Variants in ENTPD3 observed in about 807,000 individuals in gnomAD.
ENTPD3 encodes the protein CD39 antigen-like 3.
ENTPD3 carries 60 observed loss-of-function variants against 51.2 expected under a neutral mutation model. That is an observed-to-expected ratio of 1.17 (90% CI 0.95 to 1.45). The LOEUF is 1.45. Ranked by LOEUF, ENTPD3 falls within the 40% of genes most tolerant of loss-of-function variation. The pLI, the probability that ENTPD3 is intolerant of heterozygous loss-of-function variation, is 0.00. For synonymous variants in ENTPD3, 221 were observed against 238.4 expected (o/e 0.93, Z 0.67); for missense variants, 593 against 641.1 (o/e 0.93, Z 0.81).
intron 4 of ENTPD3, among the ~76,000 whole-genome samples, chr3:40,407,693 T>C (rs776475633): frequency 6.6e-6 from 1 of 151,946 alleles, no homozygotes; most frequent in African/African-American, 2.4e-5. Context: ...CCTTACACAC[T>C]CCAGTACTGA....
At chr3:40,412,845 A>G (rs1413019303) in intron 5 of ENTPD3, among the ~76,000 whole-genome samples, 1 of 152,224 alleles carries the variant, frequency 6.6e-6, no homozygotes, top group Non-Finnish European at 1.5e-5. Context: ...CTTGTTTCTA[A>G]TCTGATTTCC....
rs1955913472 is a variant in ENTPD3, at chr3:40,423,110, A to C, written c.1092A>C (p.Lys364Asn). ...ATGGGGTTTATCAGCCAAAGATTAA[A>C]GGGCCATTTGTGGTAAGAGCAAAAC... ...SFDGVYQPKI[K>N]GPFVAFAGFY... Residue 364 changes from lysine (K) to asparagine (N), a missense_variant, in exon 8 of 11, where the codon AAA becomes AAC. Coordinates refer to ENST00000301825, the MANE Select transcript of ENTPD3 (RefSeq NM_001248.4). The C allele has an allele frequency of 1.2e-6, 2 of 1,612,208 alleles. No homozygotes were observed. Among genetic ancestry groups the C allele is most frequent in the Non-Finnish European group, 8.5e-7 (1 of 1,178,718 alleles).
At chr3:40,426,384 C>T (rs896790208) in intron 10 of ENTPD3, among the ~76,000 whole-genome samples, 4 of 151,612 alleles carry the variant, frequency 2.6e-5, no homozygotes, top group Non-Finnish European at 4.4e-5. Context: ...GGATTATAGG[C>T]GTGAGCCACC....
chr3:40,392,849 C>T (rs920931237), intron 3 of ENTPD3, among the ~76,000 whole-genome samples: 1 of 152,080 alleles, frequency 6.6e-6, no homozygotes, highest in African/African-American at 2.4e-5. Context: ...GAGACCCAGG[C>T]ACCTCTTCTA....
At chr3:40,411,498 G>A (rs1419448163) in intron 4 of ENTPD3, among the ~76,000 whole-genome samples, 1 of 152,098 alleles carries the variant, frequency 6.6e-6, no homozygotes, top group Admixed American at 6.6e-5. Context: ...GTCGATCATT[G>A]TTGAAGCTGG....
chr3:40,420,431 G>A lies in ENTPD3; in HGVS notation c.832-2419G>A, dbSNP rs150981726. Among the ~76,000 whole-genome samples, 58 of 151,796 alleles carry A rather than the reference G, an allele frequency of 3.8e-4. 2 individuals are homozygous for A. In the East Asian group the frequency reaches 8.2e-3, roughly 21 times the overall value. Reference sequence around the variant, plus strand: ...TTTCTATTTTTTTTTAGTAGAGATGGGGTTTCACTGTGTTAGCCAGGATGG... The same window carrying A: ...TTTCTATTTTTTTTTAGTAGAGATGAGGTTTCACTGTGTTAGCCAGGATGG... On this transcript the variant is annotated intron_variant, in intron 7 of 10. Transcript: ENST00000301825.
intron 7 of ENTPD3, among the ~76,000 whole-genome samples, chr3:40,422,476 T>C (rs1367715967): frequency 6.6e-6 from 1 of 151,338 alleles, no homozygotes; most frequent in African/African-American, 2.4e-5. Context: ...CATTTAGCAT[T>C]AGGTATATCT....
chr3:40,390,778 T>C (rs1376218122), intron 2 of ENTPD3, among the ~76,000 whole-genome samples: 1 of 152,182 alleles, frequency 6.6e-6, no homozygotes, highest in African/African-American at 2.4e-5. Context: ...CACACATCCA[T>C]ATACTCCACA....
rs756918532 is a variant in ENTPD3, at chr3:40,423,357, T to C, written c.1171T>C (p.Phe391Leu). 8 of 1,613,848 alleles carry C rather than the reference T, an allele frequency of 5.0e-6. No individual in the cohort carries two copies. The highest frequency in any genetic ancestry group is 2.7e-5 in the African/African-American group (2 of 74,920). The change falls in exon 9 of 11, where the codon TTC becomes CTC. Residue 391 changes from phenylalanine (F) to leucine (L), a missense_variant. Physicochemically the swap from Phe to Leu is conservative, Grantham distance 22. Coordinates refer to ENST00000301825, the MANE Select transcript of ENTPD3 (RefSeq NM_001248.4). ...NLSGSFSLDT[F>L]NSSTWNFCSQ... is the part of the protein sequence containing the mutation. ...TTCAGGTAGCTTTTCCCTGGACACC[T>C]TCAACTCCAGCACCTGGAATTTCTG...
intron 7 of ENTPD3, among the ~76,000 whole-genome samples, chr3:40,422,134 TCACACACA>T (rs3064615): frequency 1.3e-5 from 2 of 148,760 alleles, no homozygotes; most frequent in Non-Finnish European, 3.0e-5. Context: ...GAGGTAATTG[TCACACACA>T]CACACACACA....
intron 10 of ENTPD3, chr3:40,424,818 C>T (rs1477587473): frequency 1.4e-6 from 1 of 700,942 alleles, no homozygotes; most frequent in Non-Finnish European, 2.6e-6. Flanking sequence ...TGTTCAATAC[C>T]AGCTTCAGCA....
intron 7 of ENTPD3, among the ~76,000 whole-genome samples, chr3:40,419,058 C>G (rs919057719): frequency 1.3e-5 from 2 of 152,272 alleles, no homozygotes; most frequent in East Asian, 1.9e-4. Flanking sequence ...ATATGTTGTT[C>G]TTCTACACTT....
rs147730990 is a variant in ENTPD3, at chr3:40,402,743, C to CT, written c.286+1737dup. Among the ~76,000 whole-genome samples, 1,129 of 152,178 alleles carry CT rather than the reference C, an allele frequency of 7.4e-3. 7 individuals carry two copies. Among genetic ancestry groups the CT allele is most frequent in the Non-Finnish European group, 0.011 (754 of 67,998 alleles). ...TATGTAAATACAACCATCAATATTC[C>CT]TTTTTGTGGCTTGCTCTTTTGTATG... On this transcript the variant is annotated intron_variant, in intron 4 of 10. Coordinates refer to ENST00000301825, the MANE Select transcript of ENTPD3 (RefSeq NM_001248.4).
intron 3 of ENTPD3, among the ~76,000 whole-genome samples, chr3:40,396,491 T>C (rs1955203340): frequency 1.3e-5 from 2 of 152,224 alleles, no homozygotes; most frequent in Admixed American, 1.3e-4. Flanking sequence ...AGGACTCTCA[T>C]GCAAGGTCGT....
chr3:40,409,263 T>C (rs575382720), intron 4 of ENTPD3, among the ~76,000 whole-genome samples: 2 of 152,058 alleles, frequency 1.3e-5, no homozygotes, highest in East Asian at 3.9e-4. Flanking sequence ...AAAAAAAAAA[T>C]TATATATACA....
intron 3 of ENTPD3, among the ~76,000 whole-genome samples, chr3:40,396,447 A>C (rs539102587): frequency 2.6e-5 from 4 of 152,292 alleles, no homozygotes; most frequent in African/African-American, 4.8e-5. Flanking sequence ...CCAGCTCTAC[A>C]ACAGCCTGTC....
intron 4 of ENTPD3, among the ~76,000 whole-genome samples, chr3:40,407,801 A>G (rs1955538126): frequency 6.6e-6 from 1 of 152,186 alleles, no homozygotes; most frequent in Non-Finnish European, 1.5e-5. Flanking sequence ...AAGGTAGTTG[A>G]AGAAAGAGGA....
At chr3:40,407,267 C>A (rs969643763) in intron 4 of ENTPD3, among the ~76,000 whole-genome samples, 3 of 151,872 alleles carry the variant, frequency 2.0e-5, no homozygotes, top group Non-Finnish European at 4.4e-5. Context: ...TGGTCTCTGT[C>A]GTAACTGCTC....
chr3:40,401,106 A>G (rs1955345018), intron 4 of ENTPD3, 95 bp downstream of exon 4: 1 of 904,006 alleles, frequency 1.1e-6, no homozygotes, highest in Non-Finnish European at 1.8e-6. Context: ...TGTTGCTTGG[A>G]GGCAGGGAAT....
Sources: allele counts gnomAD v4.1 joint callset (sites outside exome capture counted in the v4.1 genomes callset), GRCh38; gene constraint gnomAD v4.1.1; transcripts MANE v1.5; gene names NCBI Gene and HGNC (gene_info 2026-07-23, HGNC 2026-07-21).